Variants in TACR1 observed in about 807,000 individuals in gnomAD.
The protein encoded by TACR1 is tachykinin receptor 1, also known as substance-P receptor.
TACR1 carries 25 observed loss-of-function variants against 35.8 expected under a neutral mutation model. The ratio of observed to expected loss-of-function variants is 0.70; its 90% CI spans 0.51 to 0.98. TACR1 has a LOEUF of 0.98. Among genes scored for constraint, TACR1 ranks in the 50% least tolerant of loss-of-function variants. TACR1 has a pLI of 0.00. For missense variants in TACR1, 478 were observed against 522.9 expected, an observed-to-expected ratio of 0.91 and a Z score of 0.84; for synonymous variants, 195 against 206.7, an observed-to-expected ratio of 0.94 and a Z score of 0.48.
intron 1 of TACR1, among the ~76,000 whole-genome samples, chr2:75,178,670 G>C (rs1187866977): frequency 2.0e-5 from 3 of 152,166 alleles, no homozygotes; most frequent in Admixed American, 6.5e-5. Flanking sequence ...TCTTGAGTAA[G>C]TAATGATCTC....
At chr2:75,102,973 A>G (rs527515644) in intron 2 of TACR1, among the ~76,000 whole-genome samples, 13 of 152,292 alleles carry the variant, frequency 8.5e-5, no homozygotes, top group Middle Eastern at 6.8e-3. Flanking sequence ...AAACATTTTT[A>G]AGAGAGCAGA....
chr2:75,051,620 C>T (rs575666523), intron 3 of TACR1, among the ~76,000 whole-genome samples, 173 bp from the exon 4 acceptor site: 4 of 152,302 alleles, frequency 2.6e-5, no homozygotes, highest in South Asian at 2.1e-4. Flanking sequence ...TACAAGACTT[C>T]GGTTATGTCA....
intron 2 of TACR1, among the ~76,000 whole-genome samples, chr2:75,117,290 TTGAA>T (rs1673885875): frequency 6.6e-6 from 1 of 152,204 alleles, no homozygotes; most frequent in South Asian, 2.1e-4. Context: ...AGTAAAGAGT[TTGAA>T]TGAATGATCA....
In TACR1 at chr2:75,120,679, A is replaced by C; in HGVS notation, c.479T>G (p.Leu160Arg). Reference protein sequence around the residue: ...VICVIWVLALLLAFPQGYYST... With the variant: ...VICVIWVLALRLAFPQGYYST... ...GTAGTAGCCCTGGGGGAAGGCCAGC[A>C]GGAGAGCCAGGACCCAGATGACACA... The change falls in exon 2 of 5, where the codon CTG (leucine) becomes CGG (arginine). Residue 160 changes from leucine to arginine, a missense_variant. Physicochemically the swap from Leu to Arg is moderately radical, Grantham distance 102. Coordinates refer to ENST00000305249, the MANE Select transcript of TACR1 (RefSeq NM_001058.4). The C allele has an allele frequency of 6.2e-7, 1 of 1,614,114 alleles. No homozygotes were observed. Among genetic ancestry groups the C allele is most frequent in the Non-Finnish European group, 8.5e-7 (1 of 1,180,014 alleles).
At chr2:75,181,001 G>T (rs887155924) in intron 1 of TACR1, among the ~76,000 whole-genome samples, 2 of 152,182 alleles carry the variant, frequency 1.3e-5, no homozygotes, top group Non-Finnish European at 2.9e-5. Flanking sequence ...AGTCTGCCAA[G>T]TTGGTAAACT....
chr2:75,119,000 G>A (rs770422833), intron 2 of TACR1: 14 of 152,138 alleles, frequency 9.2e-5, no homozygotes, highest in Admixed American at 3.9e-4. Flanking sequence ...TTGCTTGATC[G>A]ATTAAATCCC....
chr2:75,075,220 A>G (rs568823163), intron 2 of TACR1, among the ~76,000 whole-genome samples: 1 of 152,370 alleles, frequency 6.6e-6, no homozygotes, highest in South Asian at 2.1e-4. Flanking sequence ...ACAATAGGAT[A>G]GCATTTTACA....
At chr2:75,119,578 C>T (rs1043569988) in intron 2 of TACR1, among the ~76,000 whole-genome samples, 5 of 152,108 alleles carry the variant, frequency 3.3e-5, no homozygotes, top group Admixed American at 1.3e-4. Flanking sequence ...CAAAGATATG[C>T]CATTTCAATG....
intron 1 of TACR1, among the ~76,000 whole-genome samples, chr2:75,168,461 A>G (rs145865004): frequency 6.6e-6 from 1 of 152,356 alleles, no homozygotes; most frequent in Non-Finnish European, 1.5e-5. Flanking sequence ...CTGAATGGTC[A>G]CAAAGATGCT....
rs554684456 is a variant in TACR1 at position 75,071,978 on chromosome 2, C to T, written c.585-18223G>A. 1.3e-3 allele frequency among the ~76,000 whole-genome samples: 195 copies of T among 152,098 alleles called. 1 individual carries two copies. Among genetic ancestry groups the T allele is most frequent in the African/African-American group, 4.2e-3 (176 of 41,476 alleles). On this transcript the variant is annotated intron_variant, in intron 2 of 4. Coordinates refer to ENST00000305249, the MANE Select transcript of TACR1 (RefSeq NM_001058.4). ...ATAGCAGGAACTGAAGGAGTACGTA[C>T]GTCATGAAAAAAATAACTGCAGCAA...
At chr2:75,188,947 C>T (rs1365843911) in intron 1 of TACR1, 1 of 152,174 alleles carries the variant, frequency 6.6e-6, no homozygotes, top group Non-Finnish European at 1.5e-5. Context: ...ACATATTTTT[C>T]ATGACCTCAG....
At chr2:75,093,925 A>G (rs1673360786) in intron 2 of TACR1, among the ~76,000 whole-genome samples, 1 of 152,076 alleles carries the variant, frequency 6.6e-6, no homozygotes, top group South Asian at 2.1e-4. Flanking sequence ...TCTACATGTG[A>G]GGAAACAGGC....
At chr2:75,167,040 A>AT (rs1401119016) in intron 1 of TACR1, among the ~76,000 whole-genome samples, 1 of 152,184 alleles carries the variant, frequency 6.6e-6, no homozygotes, top group Non-Finnish European at 1.5e-5. Context: ...ATAAGACTAC[A>AT]TTATGATAAT....
intron 1 of TACR1, 118 bp from the exon 2 acceptor site, chr2:75,120,886 G>A (rs1368580727): frequency 8.4e-6 from 7 of 835,350 alleles, no homozygotes; most frequent in Non-Finnish European, 1.1e-5. Context: ...CTGATGATTT[G>A]TACAATTATT....
At chr2:75,165,434 G>C (rs1311367622) in intron 1 of TACR1, among the ~76,000 whole-genome samples, 1 of 150,074 alleles carries the variant, frequency 6.7e-6, no homozygotes, top group Non-Finnish European at 1.5e-5. Flanking sequence ...TCAGCCTCCC[G>C]AGTAGCTGGG....
At chr2:75,077,112 A>G (rs1672996086) in intron 2 of TACR1, among the ~76,000 whole-genome samples, 1 of 152,108 alleles carries the variant, frequency 6.6e-6, no homozygotes, top group African/African-American at 2.4e-5. Context: ...CTTGGATTAC[A>G]GGCATGTGCC....
intron 1 of TACR1, among the ~76,000 whole-genome samples, chr2:75,160,368 GTTTGA>G (rs1352861878): frequency 3.3e-5 from 5 of 152,128 alleles, no homozygotes; most frequent in South Asian, 2.1e-4. Context: ...ATAAATCTTT[GTTTGA>G]TTTATTTGTT....
At chr2:75,118,666 T>G (rs1427078361) in intron 2 of TACR1, 1 of 152,220 alleles carries the variant, frequency 6.6e-6, no homozygotes, top group African/African-American at 2.4e-5. Flanking sequence ...AACTTTGAAT[T>G]TGTTGTAAGA....
At chr2:75,156,861 G>A (rs924200316) in intron 1 of TACR1, among the ~76,000 whole-genome samples, 3 of 152,194 alleles carry the variant, frequency 2.0e-5, no homozygotes, top group African/African-American at 4.8e-5. Context: ...TTAGTGTCTA[G>A]TTTTCTTCTA....
Sources: gnomAD v4.1 joint callset for allele counts (sites outside exome capture counted in the v4.1 genomes callset) on GRCh38, gnomAD v4.1.1 for gene constraint, MANE v1.5 for transcripts, NCBI Gene and HGNC (gene_info 2026-07-23, HGNC 2026-07-21) for gene names.